Variants in SH3D19 observed in about 807,000 individuals in gnomAD.
SH3D19 encodes the protein SH3 domain-containing protein 19.
In SH3D19, 58 loss-of-function variants were observed where a neutral mutation model predicts 112.1. The observed-to-expected ratio is 0.52, with a 90% confidence interval of 0.42 to 0.64. SH3D19 has a LOEUF of 0.64. SH3D19 is among the 30% of genes least tolerant of loss of function. The pLI is 0.00. For missense variants in SH3D19, 1,090 were observed against 1,263.4 expected (o/e 0.86, Z 2.08); for synonymous variants, 391 against 448.5 (o/e 0.87, Z 1.62).
intron 3 of SH3D19, among the ~76,000 whole-genome samples, chr4:151,181,516 A>T (rs1008013823): frequency 6.6e-6 from 1 of 152,146 alleles, no homozygotes; most frequent in African/African-American, 2.4e-5. Context: ...CAAGAGCTAA[A>T]CCAAGCTGAC....
intron 1 of SH3D19, among the ~76,000 whole-genome samples, chr4:151,298,191 T>C (rs1314905850): frequency 1.4e-5 from 2 of 142,930 alleles, no homozygotes; most frequent in East Asian, 2.0e-4. Context: ...ATTTTTTTTT[T>C]TTTTTTTTTT....
At chr4:151,232,432 A>G (rs1264973616) in intron 1 of SH3D19, among the ~76,000 whole-genome samples, 1 of 152,160 alleles carries the variant, frequency 6.6e-6, no homozygotes, top group Non-Finnish European at 1.5e-5. Flanking sequence ...AATGCCAGTG[A>G]CATTCTTAGC....
intron 1 of SH3D19, among the ~76,000 whole-genome samples, chr4:151,235,195 C>A (rs1332062682): frequency 1.3e-5 from 2 of 152,100 alleles, no homozygotes; most frequent in African/African-American, 2.4e-5. Flanking sequence ...CTCCCGCCCT[C>A]CACCCTCCAG....
intron 1 of SH3D19, among the ~76,000 whole-genome samples, chr4:151,276,266 T>C (rs75003274): frequency 0.018 from 2,754 of 152,224 alleles, 39 homozygotes; most frequent in Middle Eastern, 0.037. Flanking sequence ...CTACAAACAA[T>C]TGGCACAGAA....
At chr4:151,258,092 T>G (rs1772080084) in intron 1 of SH3D19, among the ~76,000 whole-genome samples, 1 of 152,194 alleles carries the variant, frequency 6.6e-6, no homozygotes, top group Non-Finnish European at 1.5e-5. Flanking sequence ...AAAAACCTCC[T>G]GAGTTACTTC....
intron 1 of SH3D19, among the ~76,000 whole-genome samples, chr4:151,248,254 G>A (rs958792526): frequency 2.0e-5 from 3 of 152,106 alleles, no homozygotes; most frequent in East Asian, 1.9e-4. Flanking sequence ...GTAAGTCACC[G>A]TGCCCAGCTT....
At chr4:151,145,986 A>G (rs1195329004) in intron 11 of SH3D19, among the ~76,000 whole-genome samples, 4 of 152,244 alleles carry the variant, frequency 2.6e-5, no homozygotes, top group Non-Finnish European at 4.4e-5. Context: ...AGTACTCAAT[A>G]TACATCAACT....
At chr4:151,259,097 A>C (rs1248481651) in intron 1 of SH3D19, among the ~76,000 whole-genome samples, 3 of 152,044 alleles carry the variant, frequency 2.0e-5, no homozygotes, top group Non-Finnish European at 4.4e-5. Flanking sequence ...GCAGTATGCT[A>C]TAATCATCCC....
chr4:151,176,791 A>G (rs1760018571), intron 5 of SH3D19, 26 bp downstream of exon 5: 2 of 1,231,662 alleles, frequency 1.6e-6, no homozygotes, highest in African/African-American at 1.6e-5. Flanking sequence ...AATAAAATGC[A>G]AAGAGATAAT....
intron 1 of SH3D19, among the ~76,000 whole-genome samples, chr4:151,289,461 T>C (rs1232468836): frequency 6.6e-6 from 1 of 152,114 alleles, no homozygotes; most frequent in Non-Finnish European, 1.5e-5. Flanking sequence ...CGGAAGAAAA[T>C]ATTTGCAAAT....
intron 2 of SH3D19, among the ~76,000 whole-genome samples, chr4:151,223,238 A>C (rs895608780): frequency 3.3e-5 from 5 of 151,620 alleles, no homozygotes; most frequent in African/African-American, 1.2e-4. Flanking sequence ...GATGTTTCCC[A>C]ACAACTTTTT....
At chr4:151,176,708 A>G (rs1760005324) in intron 5 of SH3D19, 21 bp from the exon 6 acceptor site, 2 of 1,231,586 alleles carry the variant, frequency 1.6e-6, no homozygotes, top group African/African-American at 3.1e-5. Context: ...AAGAATGAAG[A>G]TTTTAGACAT....
At chr4:151,195,858 AAAC>A (rs1256188283) in intron 2 of SH3D19, among the ~76,000 whole-genome samples, 2 of 152,090 alleles carry the variant, frequency 1.3e-5, no homozygotes, top group African/African-American at 2.4e-5. Flanking sequence ...AGTTTCTGAA[AAAC>A]AACTGACTCA....
At chr4:151,280,775 G>GTGAGA (rs1467622157) in intron 1 of SH3D19, among the ~76,000 whole-genome samples, 1 of 151,640 alleles carries the variant, frequency 6.6e-6, no homozygotes, top group Non-Finnish European at 1.5e-5. Context: ...GGGCGACAGA[G>GTGAGA]TGAGACCCTG....
At chr4:151,316,711 C>T (rs1730021087) in intron 1 of SH3D19, among the ~76,000 whole-genome samples, 1 of 151,576 alleles carries the variant, frequency 6.6e-6, no homozygotes, top group African/African-American at 2.4e-5. Context: ...ACAGCTCCTA[C>T]CCTCACCCCC....
At chr4:151,279,604 G>A (rs2150005912) in intron 1 of SH3D19, among the ~76,000 whole-genome samples, 1 of 152,176 alleles carries the variant, frequency 6.6e-6, no homozygotes, top group East Asian at 1.9e-4. Flanking sequence ...AAAAGAAAGA[G>A]CTACAATCAG....
intron 1 of SH3D19, among the ~76,000 whole-genome samples, chr4:151,312,387 T>C (rs1729541344): frequency 6.6e-6 from 1 of 152,174 alleles, no homozygotes; most frequent in Admixed American, 6.5e-5. Flanking sequence ...ACATACAACT[T>C]TAAAAATCCA....
At chr4:151,130,934 C>T (rs932087219) in intron 17 of SH3D19, among the ~76,000 whole-genome samples, 3 of 149,492 alleles carry the variant, frequency 2.0e-5, no homozygotes, top group African/African-American at 4.9e-5. Flanking sequence ...AGTAAGACTC[C>T]GTCTCAAAAA....
chr4:151,320,715 G>C (rs1343077988), intron 1 of SH3D19, among the ~76,000 whole-genome samples: 1 of 151,672 alleles, frequency 6.6e-6, no homozygotes, highest in Admixed American at 6.6e-5. Flanking sequence ...AAAATGCTGT[G>C]GTATATATTT....
Sources: gnomAD v4.1 joint callset for allele counts (sites outside exome capture counted in the v4.1 genomes callset) on GRCh38, gnomAD v4.1.1 for gene constraint, MANE v1.5 for transcripts, NCBI Gene and HGNC (gene_info 2026-07-23, HGNC 2026-07-21) for gene names.